The following SSH2 variants were observed in gnomAD, a reference collection of about 807,000 sequenced individuals.
SSH2 encodes slingshot protein phosphatase 2, also known as protein phosphatase Slingshot homolog 2.
Under a neutral mutation model 135.2 loss-of-function variants are expected in SSH2, and 37 were observed. The observed-to-expected ratio is 0.27, with a 90% CI of 0.21 to 0.36. SSH2 has a LOEUF of 0.36. Ranked by LOEUF, SSH2 falls within the 10% of genes least tolerant of loss-of-function variation. The pLI is 1.00. For missense variants in SSH2, 1,408 were observed against 1,765.3 expected (o/e 0.80, Z 3.63); for synonymous variants, 628 against 646.2 (o/e 0.97, Z 0.43).
At chr17:29,761,784 A>C (rs1364547605) in intron 3 of SSH2, among the ~76,000 whole-genome samples, 3 of 152,026 alleles carry the variant, frequency 2.0e-5, no homozygotes, top group African/African-American at 7.3e-5. Context: ...AAGTGCAACA[A>C]ATATTTATCA....
chr17:29,928,449 T>C (rs2151495176), intron 1 of SSH2: 1 of 398,384 alleles, frequency 2.5e-6, no homozygotes, highest in Non-Finnish European at 4.4e-6. Context: ...AGGCAAAATG[T>C]TCTCCAGCCT....
At chr17:29,875,743 T>C (rs190861460) in intron 1 of SSH2, among the ~76,000 whole-genome samples, 1 of 152,262 alleles carries the variant, frequency 6.6e-6, no homozygotes, top group African/African-American at 2.4e-5. Context: ...TCTCCCACCT[T>C]GGGGCTTTGA....
chr17:29,761,388 G>C, intron 3 of SSH2: 1 of 1,065,976 alleles, frequency 9.4e-7, no homozygotes, highest in Non-Finnish European at 1.1e-6. Context: ...GGGTCGCGCG[G>C]AGGCAGCCGC....
chr17:29,635,564 C>T (rs1031877596), intron 15 of SSH2, among the ~76,000 whole-genome samples: 18 of 152,012 alleles, frequency 1.2e-4, no homozygotes, highest in African/African-American at 4.1e-4. Context: ...CCCGCCACCA[C>T]ACCTGGCTAA....
intron 1 of SSH2, among the ~76,000 whole-genome samples, chr17:29,893,931 T>C (rs1444082396): frequency 6.6e-6 from 1 of 152,114 alleles, no homozygotes; most frequent in African/African-American, 2.4e-5. Flanking sequence ...TTTTCAGTCT[T>C]ATTTGCAGGA....
intron 11 of SSH2, among the ~76,000 whole-genome samples, chr17:29,665,280 T>C (rs1222176485): frequency 1.3e-5 from 2 of 152,130 alleles, no homozygotes; most frequent in African/African-American, 4.8e-5. Flanking sequence ...CAACCAGAAA[T>C]GCCAACACAT....
At chr17:29,696,208 C>T (rs3115085) in intron 4 of SSH2, among the ~76,000 whole-genome samples, 18,313 of 140,678 alleles carry the variant, frequency 0.13, 2,575 homozygotes, top group African/African-American at 0.35. Context: ...CACACACACA[C>T]ATATGTATAT....
intron 1 of SSH2, among the ~76,000 whole-genome samples, chr17:29,915,699 C>T (rs1032025042): frequency 6.6e-6 from 1 of 151,912 alleles, no homozygotes; most frequent in Non-Finnish European, 1.5e-5. Flanking sequence ...CTGTATGGTG[C>T]TCCAGGGTCA....
At chr17:29,689,743 T>C (rs1315650530) in intron 5 of SSH2, among the ~76,000 whole-genome samples, 2 of 152,124 alleles carry the variant, frequency 1.3e-5, no homozygotes, top group African/African-American at 2.4e-5. Context: ...TAAAGAATAA[T>C]GCTATTCCCT....
intron 2 of SSH2, among the ~76,000 whole-genome samples, chr17:29,801,296 G>T (rs2042247133): frequency 6.6e-6 from 1 of 152,186 alleles, no homozygotes; most frequent in South Asian, 2.1e-4. Flanking sequence ...TGAGAAGTAG[G>T]CTTGGTGGAG....
intron 2 of SSH2, among the ~76,000 whole-genome samples, chr17:29,814,130 CAA>C (rs1402714927): frequency 9.5e-5 from 2 of 21,142 alleles, no homozygotes; most frequent in Non-Finnish European, 1.8e-4. Context: ...GACTTCGTCT[CAA>C]AAAAAAAAAA....
At chr17:29,732,529 G>C (rs979866561) in intron 3 of SSH2, among the ~76,000 whole-genome samples, 1 of 152,198 alleles carries the variant, frequency 6.6e-6, no homozygotes, top group Admixed American at 6.5e-5. Context: ...CAGCTGGAAA[G>C]AGCATTTCAG....
intron 2 of SSH2, among the ~76,000 whole-genome samples, chr17:29,826,065 T>G (rs2042737532): frequency 6.6e-6 from 1 of 152,158 alleles, no homozygotes; most frequent in South Asian, 2.1e-4. Flanking sequence ...TTAGAAAAAT[T>G]TAATATAGAA....
At chr17:29,874,654 C>T (rs1264548622) in intron 1 of SSH2, among the ~76,000 whole-genome samples, 1 of 152,070 alleles carries the variant, frequency 6.6e-6, no homozygotes, top group East Asian at 1.9e-4. Flanking sequence ...CTGAGGCCTC[C>T]CCAGCCATGC....
chr17:29,753,373 C>T (rs1055047239), intron 3 of SSH2, among the ~76,000 whole-genome samples: 2 of 151,590 alleles, frequency 1.3e-5, no homozygotes, highest in Non-Finnish European at 2.9e-5. Flanking sequence ...CAGGTGATAC[C>T]CCCAACCTCA....
At chr17:29,893,457 G>GTGC (rs1483953446) in intron 1 of SSH2, among the ~76,000 whole-genome samples, 1 of 152,104 alleles carries the variant, frequency 6.6e-6, no homozygotes. Context: ...TATACAAGAA[G>GTGC]TGCCATATAA....
At chr17:29,777,838 A>G (rs1425567491) in intron 3 of SSH2, 1 of 150,348 alleles carries the variant, frequency 6.7e-6, no homozygotes, top group Non-Finnish European at 1.5e-5. Context: ...GGTCTTTGAG[A>G]TAGAGGTCAC....
intron 1 of SSH2, among the ~76,000 whole-genome samples, chr17:29,913,930 G>A (rs1291603471): frequency 1.3e-5 from 2 of 151,986 alleles, no homozygotes; most frequent in Non-Finnish European, 2.9e-5. Context: ...CACCGCTCCC[G>A]GCCAGCTTCC....
At chr17:29,765,950 G>A (rs765907050) in intron 3 of SSH2, among the ~76,000 whole-genome samples, 1 of 149,896 alleles carries the variant, frequency 6.7e-6, no homozygotes, top group Admixed American at 6.6e-5. Flanking sequence ...AACCTGGGAG[G>A]CGGATGTTGC....
Sources: allele counts gnomAD v4.1 joint callset (sites outside exome capture counted in the v4.1 genomes callset), GRCh38; gene constraint gnomAD v4.1.1; transcripts MANE v1.5; gene names NCBI Gene and HGNC (gene_info 2026-07-23, HGNC 2026-07-21).